Variants in NALF1 observed in about 807,000 individuals in gnomAD.
The protein encoded by NALF1 is NALCN channel auxiliary factor 1, also known as family with sequence similarity 155 member A.
In NALF1, 3 loss-of-function variants were observed where a neutral mutation model predicts 48.4. That is an observed-to-expected ratio of 0.06 (90% CI 0.03 to 0.16). NALF1 has a LOEUF of 0.16. Among genes scored for constraint, NALF1 ranks in the 10% least tolerant of loss-of-function variants. NALF1 has a pLI of 1.00. For missense variants in NALF1, 526 were observed against 571.5 expected, an observed-to-expected ratio of 0.92 and a Z score of 0.81; for synonymous variants, 262 against 245.7, an observed-to-expected ratio of 1.07 and a Z score of -0.62.
intron 1 of NALF1, among the ~76,000 whole-genome samples, chr13:107,299,467 AT>A (rs1354244012): frequency 3.2e-3 from 81 of 25,554 alleles, no homozygotes; most frequent in Non-Finnish European, 7.0e-3. Flanking sequence ...AATAATAATA[AT>A]AATAAATAAA....
intron 1 of NALF1, among the ~76,000 whole-genome samples, chr13:107,470,667 T>C (rs533222797): frequency 6.6e-6 from 1 of 152,172 alleles, no homozygotes; most frequent in Non-Finnish European, 1.5e-5. Context: ...TAATGGCCAA[T>C]GCTTAAATGA....
chr13:107,548,034 G>A (rs755415163), intron 1 of NALF1, among the ~76,000 whole-genome samples: 6 of 151,940 alleles, frequency 3.9e-5, no homozygotes, highest in Non-Finnish European at 8.8e-5. Context: ...AGGTGAACTC[G>A]TGTCACAGGC....
At position 107,462,173 on chromosome 13, in the gene NALF1, T is replaced by G. The variant is rs548469010; in HGVS notation, c.916-251418A>C. On this transcript the variant is annotated intron_variant, in intron 1 of 2. Coordinates refer to ENST00000375915, the MANE Select transcript of NALF1 (RefSeq NM_001080396.3). ...TACTCCAAGTTAAAGATCATTTTTT[T>G]TGTGTGTCCTACAGTAACTATAAAT... is the stretch of plus-strand genomic sequence containing the variant. 3.0e-3 allele frequency among the ~76,000 whole-genome samples: 458 copies of G among 152,314 alleles called. 6 individuals are homozygous for G. Among genetic ancestry groups the G allele is most frequent in the African/African-American group, 0.011 (442 of 41,568 alleles).
chr13:107,708,724 T>G (rs1004474149), intron 1 of NALF1, among the ~76,000 whole-genome samples: 1 of 152,124 alleles, frequency 6.6e-6, no homozygotes, highest in African/African-American at 2.4e-5. Context: ...TTTATTTATT[T>G]TTTTTTTCCT....
At chr13:107,198,776 T>G (rs1052527414) in intron 2 of NALF1, among the ~76,000 whole-genome samples, 1 of 151,750 alleles carries the variant, frequency 6.6e-6, no homozygotes, top group Non-Finnish European at 1.5e-5. Context: ...TTCCGGGGGG[T>G]TTTCAGGAAA....
chr13:107,368,471 T>A (rs1020234693), intron 1 of NALF1, among the ~76,000 whole-genome samples: 32 of 152,230 alleles, frequency 2.1e-4, no homozygotes, highest in Admixed American at 7.2e-4. Flanking sequence ...TTCTTACAGC[T>A]CTGGAAAAAG....
intron 2 of NALF1, among the ~76,000 whole-genome samples, chr13:107,173,905 A>G (rs1247164815): frequency 6.6e-6 from 1 of 152,154 alleles, no homozygotes; most frequent in Admixed American, 6.5e-5. Flanking sequence ...TCTGCTGTTA[A>G]TATTTCATAT....
intron 1 of NALF1, among the ~76,000 whole-genome samples, chr13:107,677,483 A>T (rs1052929635): frequency 5.3e-5 from 8 of 152,238 alleles, no homozygotes. Flanking sequence ...AGAATTGGGC[A>T]TAGAATGTAT....
At chr13:107,328,671 G>A (rs1359410100) in intron 1 of NALF1, among the ~76,000 whole-genome samples, 2 of 152,068 alleles carry the variant, frequency 1.3e-5, no homozygotes, top group Admixed American at 1.3e-4. Flanking sequence ...TTTTATCCAT[G>A]TCCTGGAAAA....
intron 1 of NALF1, among the ~76,000 whole-genome samples, chr13:107,476,144 T>G (rs1266278560): frequency 6.6e-6 from 1 of 152,212 alleles, no homozygotes; most frequent in Non-Finnish European, 1.5e-5. Context: ...ATGTAATTCC[T>G]TTTGAGGACA....
At chr13:107,202,966 TA>T (rs969788633) in intron 2 of NALF1, among the ~76,000 whole-genome samples, 2 of 152,154 alleles carry the variant, frequency 1.3e-5, no homozygotes, top group African/African-American at 4.8e-5. Context: ...GGCATCAAAC[TA>T]GATGACTTCA....
At chr13:107,522,209 C>G (rs919875218) in intron 1 of NALF1, among the ~76,000 whole-genome samples, 20 of 152,110 alleles carry the variant, frequency 1.3e-4, no homozygotes, top group Non-Finnish European at 2.4e-4. Flanking sequence ...GCCTTATGTT[C>G]CCTCTTAATG....
At chr13:107,725,462 C>T (rs1477419961) in intron 1 of NALF1, among the ~76,000 whole-genome samples, 1 of 152,218 alleles carries the variant, frequency 6.6e-6, no homozygotes, top group Non-Finnish European at 1.5e-5. Context: ...AATCCCAACA[C>T]TTTGGGAGAC....
intron 1 of NALF1, among the ~76,000 whole-genome samples, chr13:107,387,875 G>A (rs78222741): frequency 6.6e-6 from 1 of 152,170 alleles, no homozygotes; most frequent in Non-Finnish European, 1.5e-5. Context: ...CACAGTGATG[G>A]TATTTTCAAT....
intron 1 of NALF1, among the ~76,000 whole-genome samples, chr13:107,221,740 A>ATT (rs1239554690): frequency 5.3e-5 from 8 of 152,202 alleles, no homozygotes; most frequent in Non-Finnish European, 1.2e-4. Context: ...AAAGTCCCAC[A>ATT]GCAAAATGTA....
At chr13:107,561,065 T>C (rs1877631833) in intron 1 of NALF1, among the ~76,000 whole-genome samples, 2 of 152,232 alleles carry the variant, frequency 1.3e-5, no homozygotes, top group Admixed American at 6.5e-5. Flanking sequence ...TATTTGTTTC[T>C]CTGAAACATT....
rs1031615297 is a variant in NALF1 at position 107,750,771 on chromosome 13, G to C, written c.915+114911C>G. On this transcript the variant is annotated intron_variant, in intron 1 of 2. Coordinates refer to ENST00000375915, the MANE Select transcript of NALF1 (RefSeq NM_001080396.3). Reference sequence around the variant, plus strand: ...ACCAAAATTGGAAAATAAACTTCTTGAAAGAAATGTTTTAGCTATGAAACT... The same window carrying C: ...ACCAAAATTGGAAAATAAACTTCTTCAAAGAAATGTTTTAGCTATGAAACT... Among the ~76,000 whole-genome samples, 16 of 152,236 alleles carry C rather than the reference G, an allele frequency of 1.1e-4. No homozygotes were observed. The South Asian group carries it at 1.2e-3, about 12-fold the overall frequency.
intron 1 of NALF1, among the ~76,000 whole-genome samples, chr13:107,615,568 G>T (rs1057277012): frequency 6.6e-6 from 1 of 152,154 alleles, no homozygotes; most frequent in East Asian, 1.9e-4. Context: ...TCAGAGCGAG[G>T]TCATAACCTG....
At chr13:107,784,154 A>G (rs1878004789) in intron 1 of NALF1, among the ~76,000 whole-genome samples, 2 of 152,214 alleles carry the variant, frequency 1.3e-5, no homozygotes, top group African/African-American at 4.8e-5. Context: ...ATACTTGTTT[A>G]GTTTAGAAAA....
Sources: allele counts gnomAD v4.1 joint callset (sites outside exome capture counted in the v4.1 genomes callset), GRCh38; gene constraint gnomAD v4.1.1; transcripts MANE v1.5; gene names NCBI Gene and HGNC (gene_info 2026-07-23, HGNC 2026-07-21).